The following KIAA1958 variants were observed in gnomAD, a reference collection of about 807,000 sequenced individuals.
KIAA1958 encodes the protein uncharacterized protein KIAA1958.
KIAA1958 carries 14 observed loss-of-function variants against 47.2 expected under a neutral mutation model. The ratio of observed to expected loss-of-function variants is 0.30; its 90% CI spans 0.20 to 0.46. The LOEUF (loss-of-function observed/expected upper bound fraction) is 0.46. Ranked by LOEUF, KIAA1958 falls within the 20% of genes least tolerant of loss-of-function variation. The pLI is 1.00. For synonymous variants in KIAA1958, 354 were observed against 353.3 expected (o/e 1.00, Z -0.02); for missense variants, 803 against 909.2 (o/e 0.88, Z 1.50).
chr9:112,487,097 A>T lies in KIAA1958; in HGVS notation c.-46A>T, dbSNP rs572934785. 180 of 215,694 alleles carry T rather than the reference A, an allele frequency of 8.3e-4. 1 individual carries two copies. The highest frequency in any genetic ancestry group is 3.8e-3 in the African/African-American group (159 of 41,946). The allele number at this position is 215,694 out of a possible 1,614,324, so 13.4% of individuals were successfully genotyped here. A position where few individuals can be genotyped will look rare whatever the true frequency, so the allele number is the denominator to read the frequency against. ...CCCCGCGCCGACCGCGTTCCTATGG[A>T]CAGACGCACAGACACCTGCAGGTGG... On this transcript the variant is annotated 5_prime_UTR_variant, in exon 1 of 4. Coordinates refer to ENST00000337530, the MANE Select transcript of KIAA1958 (RefSeq NM_133465.4).
At chr9:112,599,148 T>A (rs1254178998) in intron 2 of KIAA1958, among the ~76,000 whole-genome samples, 4 of 152,242 alleles carry the variant, frequency 2.6e-5, no homozygotes, top group Non-Finnish European at 5.9e-5. Flanking sequence ...CCAATGGCTA[T>A]CTTTGGATGA....
At position 112,515,684 on chromosome 9, in the gene KIAA1958, C is replaced by T. The variant is rs1190390862; in HGVS notation, c.-25+28566C>T. Among the ~76,000 whole-genome samples, 148 of 69,618 alleles carry T rather than the reference C, an allele frequency of 2.1e-3. 1 individual carries two copies. The highest frequency in any genetic ancestry group is 8.6e-3 in the Middle Eastern group (2 of 232). 45.7% of individuals were successfully genotyped at this position (69,618 alleles called of 152,430 possible). On this transcript the variant is annotated intron_variant, in intron 1 of 3. Transcript: ENST00000337530. Reference sequence around the variant, plus strand: ...GCTTTGTTAAACAGATGCTTGAAGGCAGCATGCTCGTTAAGAGTCATCACC... The same window carrying T: ...GCTTTGTTAAACAGATGCTTGAAGGTAGCATGCTCGTTAAGAGTCATCACC...
intron 2 of KIAA1958, among the ~76,000 whole-genome samples, chr9:112,576,429 G>A (rs1209196554): frequency 6.6e-6 from 1 of 152,016 alleles, no homozygotes; most frequent in African/African-American, 2.4e-5. Context: ...TATTCATAGA[G>A]TTGTACAACT....
At chr9:112,487,394 G>A (rs1162675330) in intron 1 of KIAA1958, among the ~76,000 whole-genome samples, 1 of 151,366 alleles carries the variant, frequency 6.6e-6, no homozygotes, top group African/African-American at 2.4e-5. Context: ...CCTGCCCCGG[G>A]CCGCCCCGCC....
intron 1 of KIAA1958, among the ~76,000 whole-genome samples, chr9:112,534,637 G>A (rs760968102): frequency 3.3e-5 from 5 of 151,436 alleles, no homozygotes; most frequent in Non-Finnish European, 7.4e-5. Context: ...TCCGCCTCCC[G>A]GGTTCAAGCG....
At chr9:112,504,615 C>G (rs1834203560) in intron 1 of KIAA1958, among the ~76,000 whole-genome samples, 2 of 152,088 alleles carry the variant, frequency 1.3e-5, no homozygotes, top group Non-Finnish European at 2.9e-5. Flanking sequence ...TTATCCAGCA[C>G]TGGAGTGATT....
intron 2 of KIAA1958, among the ~76,000 whole-genome samples, chr9:112,635,188 G>C (rs1836781893): frequency 6.7e-6 from 1 of 150,270 alleles, no homozygotes; most frequent in Admixed American, 6.6e-5. Flanking sequence ...ATCTGAACCT[G>C]AAGTTTTATT....
At chr9:112,649,744 C>T (rs1032470718) in intron 3 of KIAA1958, among the ~76,000 whole-genome samples, 7 of 152,108 alleles carry the variant, frequency 4.6e-5, no homozygotes, top group African/African-American at 1.7e-4. Context: ...CTTTCACTAT[C>T]CTCTGTGAAA....
At position 112,535,930 on chromosome 9, in the gene KIAA1958, C is replaced by G. The variant is rs1834847731; in HGVS notation, c.-24-38127C>G. On this transcript the variant is annotated intron_variant, in intron 1 of 3. Coordinates refer to ENST00000337530, the MANE Select transcript of KIAA1958 (RefSeq NM_133465.4). ...ATTGTCAACATTGTTTTAGTCAGTT[C>G]TGACTTTTTCTTCATGGCTCTGGTG... Among the ~76,000 whole-genome samples the G allele has an allele frequency of 2.0e-5, 3 of 152,144 alleles. No homozygotes were observed. In the South Asian group the frequency reaches 6.2e-4, roughly 31 times the overall value.
At chr9:112,568,935 C>CAAAAAAAAAAAAAAAAAAAAAAA (rs1835481168) in intron 1 of KIAA1958, among the ~76,000 whole-genome samples, 3 of 2,850 alleles carry the variant, frequency 1.1e-3, no homozygotes, top group Non-Finnish European at 1.9e-3. Context: ...AATAGGAAAA[C>CAAAAAAAAAAAAAAAAAAAAAAA]TAAAAAAAAA....
At chr9:112,645,576 A>C in intron 2 of KIAA1958, 74 bp from the exon 3 acceptor site, 1 of 1,001,264 alleles carries the variant, frequency 1.0e-6, no homozygotes, top group East Asian at 2.6e-5. Flanking sequence ...TCTGTTATTT[A>C]TCATCCCAAG....
At chr9:112,507,504 A>G (rs558653890) in intron 1 of KIAA1958, among the ~76,000 whole-genome samples, 15 of 151,972 alleles carry the variant, frequency 9.9e-5, no homozygotes, top group African/African-American at 1.7e-4. Flanking sequence ...ATGTGCCACT[A>G]TATCTGGTTA....
At chr9:112,592,500 G>C in intron 2 of KIAA1958, among the ~76,000 whole-genome samples, 1 of 152,160 alleles carries the variant, frequency 6.6e-6, no homozygotes, top group East Asian at 1.9e-4. Flanking sequence ...TATAAAACAA[G>C]GAAAGTCATA....
intron 1 of KIAA1958, among the ~76,000 whole-genome samples, chr9:112,568,148 C>T (rs891935896): frequency 6.6e-6 from 1 of 151,986 alleles, no homozygotes; most frequent in African/African-American, 2.4e-5. Context: ...CAAACGGAAA[C>T]ACTCAGGTAT....
intron 2 of KIAA1958, among the ~76,000 whole-genome samples, chr9:112,599,489 T>C (rs929109410): frequency 6.6e-5 from 10 of 152,190 alleles, no homozygotes; most frequent in African/African-American, 2.4e-4. Flanking sequence ...ATAAAAACTT[T>C]TTTTCTGAAG....
intron 2 of KIAA1958, among the ~76,000 whole-genome samples, chr9:112,587,568 T>C (rs1040649339): frequency 1.3e-5 from 2 of 152,246 alleles, no homozygotes; most frequent in African/African-American, 4.8e-5. Flanking sequence ...AAATCTGATA[T>C]AATGATTGAT....
At chr9:112,487,857 C>CT (rs10629493) in intron 1 of KIAA1958, among the ~76,000 whole-genome samples, 63 of 148,978 alleles carry the variant, frequency 4.2e-4, no homozygotes, top group East Asian at 1.4e-3. Flanking sequence ...TCCTTCAAGT[C>CT]TTTTTTTTTC....
chr9:112,595,717 A>G (rs1836013131), intron 2 of KIAA1958, among the ~76,000 whole-genome samples: 1 of 151,880 alleles, frequency 6.6e-6, no homozygotes, highest in Non-Finnish European at 1.5e-5. Context: ...CTAACATTTA[A>G]TATATTGATT....
chr9:112,569,650 T>G (rs1835499480), intron 1 of KIAA1958, among the ~76,000 whole-genome samples: 1 of 151,410 alleles, frequency 6.6e-6, no homozygotes. Context: ...AGACAAGTTT[T>G]GCTCTTGTCA....
Sources: allele counts gnomAD v4.1 joint callset (sites outside exome capture counted in the v4.1 genomes callset), GRCh38; gene constraint gnomAD v4.1.1; transcripts MANE v1.5; gene names NCBI Gene and HGNC (gene_info 2026-07-23, HGNC 2026-07-21).